Variants in SARNP observed in about 807,000 individuals in gnomAD.
SARNP encodes the protein SAP domain containing ribonucleoprotein.
In SARNP, 5 loss-of-function variants were observed where a neutral mutation model predicts 38.1. That is an observed-to-expected ratio of 0.13 (90% CI 0.07 to 0.28). The LOEUF is 0.28. SARNP is among the 10% of genes least tolerant of loss of function. The pLI is 1.00. For missense variants in SARNP, 180 were observed against 243.9 expected (o/e 0.74, Z 1.75); for synonymous variants, 84 against 80.6 (o/e 1.04, Z -0.23).
rs573206044 is a variant in SARNP at position 55,787,958 on chromosome 12, C to G, written c.501+1117G>C. Among the ~76,000 whole-genome samples, 35 of 152,028 alleles carry G rather than the reference C, an allele frequency of 2.3e-4. No individual in the cohort carries two copies. The South Asian group carries it at 6.9e-3, about 30-fold the overall frequency. On this transcript the variant is annotated intron_variant, in intron 9 of 10. Coordinates refer to ENST00000336133, the MANE Select transcript of SARNP (RefSeq NM_033082.4). The stretch of plus-strand genomic sequence containing the variant: ...TAGAGACGGGGTTTCACCGTGTTAG[C>G]CAGGATGGTCTCAATCTCCTGACCT...
At chr12:55,781,312 G>A (rs947372492) in intron 9 of SARNP, among the ~76,000 whole-genome samples, 1 of 152,182 alleles carries the variant, frequency 6.6e-6, no homozygotes, top group Middle Eastern at 3.4e-3. Context: ...AAGGCAGGCA[G>A]ATCACAAAGT....
intron 9 of SARNP, among the ~76,000 whole-genome samples, chr12:55,788,368 T>C (rs953151987): frequency 1.3e-5 from 2 of 152,238 alleles, no homozygotes; most frequent in Non-Finnish European, 1.5e-5. Context: ...AAGTTTTATT[T>C]CTAAGTACTT....
downstream of SARNP, chr12:55,757,237 A>G (rs1878534419): frequency 6.8e-6 from 2 of 294,902 alleles, no homozygotes; most frequent in South Asian, 1.3e-4. Flanking sequence ...TCTAGCTCCA[A>G]TAAATCAAAG....
At chr12:55,759,332 T>C (rs1055518322) in intron 10 of SARNP, among the ~76,000 whole-genome samples, 6 of 152,134 alleles carry the variant, frequency 3.9e-5, no homozygotes, top group Non-Finnish European at 7.4e-5. Context: ...AGGTAGGTTT[T>C]ATTATCTCCA....
intron 7 of SARNP, among the ~76,000 whole-genome samples, chr12:55,791,721 A>G (rs1175101985): frequency 1.3e-5 from 2 of 152,010 alleles, no homozygotes; most frequent in Admixed American, 1.3e-4. Context: ...AAAAAAGAGA[A>G]AAAAAGAAAT....
At chr12:55,791,669 T>A (rs1216247281) in intron 7 of SARNP, among the ~76,000 whole-genome samples, 1 of 151,354 alleles carries the variant, frequency 6.6e-6, no homozygotes, top group Non-Finnish European at 1.5e-5. Flanking sequence ...TGCTCCAGCC[T>A]GGGCGACAGA....
At chr12:55,805,436 G>C (rs1880109478) in intron 1 of SARNP, among the ~76,000 whole-genome samples, 1 of 152,190 alleles carries the variant, frequency 6.6e-6, no homozygotes, top group African/African-American at 2.4e-5. Flanking sequence ...TTTAGGCCAG[G>C]GACAGTGGCT....
intron 1 of SARNP, among the ~76,000 whole-genome samples, chr12:55,812,516 C>T (rs1048114392): frequency 6.6e-6 from 1 of 152,220 alleles, no homozygotes; most frequent in Non-Finnish European, 1.5e-5. Context: ...TCTTCATCAT[C>T]AGCTTTCAGC....
At chr12:55,760,933 T>C (rs1878656243) in intron 9 of SARNP, 1 of 286,062 alleles carries the variant, frequency 3.5e-6, no homozygotes, top group Non-Finnish European at 6.5e-6. Flanking sequence ...TCCTAGCACT[T>C]TGGGAGGCTG....
intron 1 of SARNP, 63 bp from the exon 2 acceptor site, chr12:55,803,791 T>A: frequency 9.4e-7 from 1 of 1,069,310 alleles, no homozygotes; most frequent in Non-Finnish European, 1.4e-6. Context: ...AATAAAATGG[T>A]AGTTCCCACA....
At chr12:55,762,762 C>G (rs1048287524) in intron 9 of SARNP, 6 of 152,246 alleles carry the variant, frequency 3.9e-5, no homozygotes, top group African/African-American at 1.4e-4. Flanking sequence ...CCTCTACTCT[C>G]AACCCCAACC....
chr12:55,800,506 A>C, intron 4 of SARNP, 56 bp downstream of exon 4: 2 of 1,163,394 alleles, frequency 1.7e-6, no homozygotes, highest in Non-Finnish European at 2.5e-6. Context: ...AACATTAAAT[A>C]CATTAAGAAA....
intron 9 of SARNP, among the ~76,000 whole-genome samples, chr12:55,777,805 A>C (rs889890683): frequency 6.6e-6 from 1 of 152,214 alleles, no homozygotes; most frequent in African/African-American, 2.4e-5. Flanking sequence ...AGAGAAGTTG[A>C]GCAAAGAAAC....
chr12:55,790,494 G>T, intron 8 of SARNP, 73 bp downstream of exon 8: 1 of 1,455,510 alleles, frequency 6.9e-7, no homozygotes, highest in South Asian at 1.3e-5. Context: ...CTAATCTGGG[G>T]AGGAGGAGTC....
intron 10 of SARNP, among the ~76,000 whole-genome samples, chr12:55,758,805 A>G (rs1251832044): frequency 6.6e-6 from 1 of 152,122 alleles, no homozygotes; most frequent in Admixed American, 6.6e-5. Flanking sequence ...TGCTTCCCAT[A>G]AAGCCTGCAG....
At chr12:55,763,038 T>C (rs992241962) in intron 9 of SARNP, among the ~76,000 whole-genome samples, 3 of 152,218 alleles carry the variant, frequency 2.0e-5, no homozygotes, top group African/African-American at 7.2e-5. Flanking sequence ...AGTTATCATT[T>C]AATCACAGTT....
chr12:55,798,945 C>T (rs1039764530), intron 4 of SARNP, among the ~76,000 whole-genome samples: 1 of 152,000 alleles, frequency 6.6e-6, no homozygotes, highest in Admixed American at 6.6e-5. Flanking sequence ...CAGAACAATG[C>T]CTAGCATATA....
At chr12:55,799,605 G>A (rs1879920707) in intron 4 of SARNP, among the ~76,000 whole-genome samples, 1 of 146,296 alleles carries the variant, frequency 6.8e-6, no homozygotes. Context: ...CCAGGCTGGA[G>A]TGCAGTGCCA....
intron 1 of SARNP, among the ~76,000 whole-genome samples, chr12:55,812,017 C>G (rs1880342000): frequency 6.6e-6 from 1 of 152,184 alleles, no homozygotes; most frequent in African/African-American, 2.4e-5. Flanking sequence ...TAAGTCAGAA[C>G]ATGTCACTCC....
Sources: allele counts gnomAD v4.1 joint callset (sites outside exome capture counted in the v4.1 genomes callset), GRCh38; gene constraint gnomAD v4.1.1; transcripts MANE v1.5; gene names NCBI Gene and HGNC (gene_info 2026-07-23, HGNC 2026-07-21).